The following FHAD1 variants were observed in gnomAD, a reference collection of about 807,000 sequenced individuals.
The protein encoded by FHAD1 is forkhead-associated domain-containing protein 1.
Under a neutral mutation model 191.3 loss-of-function variants are expected in FHAD1, and 146 were observed. The observed-to-expected ratio is 0.76, with a 90% confidence interval of 0.67 to 0.88. The LOEUF is 0.88. FHAD1 is among the 40% of genes least tolerant of loss of function. FHAD1 has a pLI of 0.00. For synonymous variants in FHAD1, 616 were observed against 672.3 expected, an observed-to-expected ratio of 0.92 and a Z score of 1.29; for missense variants, 1,635 against 1,785.8, an observed-to-expected ratio of 0.92 and a Z score of 1.52.
At chr1:15,245,460 T>C (rs1430050183), upstream of FHAD1, among the ~76,000 whole-genome samples, 1 of 152,236 alleles carries the variant, frequency 6.6e-6, no homozygotes, top group Non-Finnish European at 1.5e-5. Context: ...AAAGATGATA[T>C]GTGAGTAAAA....
intron 2 of FHAD1, among the ~76,000 whole-genome samples, chr1:15,263,699 T>C (rs1042079763): frequency 4.6e-5 from 7 of 152,040 alleles, no homozygotes; most frequent in Admixed American, 3.9e-4. Flanking sequence ...TTTTTTGTAT[T>C]TTTAGTAGAG....
At chr1:15,348,647 C>G (rs1689744361) in intron 18 of FHAD1, among the ~76,000 whole-genome samples, 1 of 152,158 alleles carries the variant, frequency 6.6e-6, no homozygotes, top group African/African-American at 2.4e-5. Flanking sequence ...ATTAATGAGA[C>G]TCTTCTTTTG....
At chr1:15,291,157 A>C (rs1664631380) in intron 4 of FHAD1, among the ~76,000 whole-genome samples, 1 of 145,880 alleles carries the variant, frequency 6.9e-6, no homozygotes, top group Non-Finnish European at 1.5e-5. Context: ...CTATTGCCCA[A>C]GCTGGAGTTC....
chr1:15,368,925 A>C (rs1158016613), intron 25 of FHAD1, among the ~76,000 whole-genome samples: 4 of 152,016 alleles, frequency 2.6e-5, no homozygotes, highest in African/African-American at 9.7e-5. Flanking sequence ...GTGGAAGAAC[A>C]AGAACAAAAC....
intron 20 of FHAD1, among the ~76,000 whole-genome samples, chr1:15,353,321 C>G (rs1188338531): frequency 1.3e-5 from 2 of 152,138 alleles, no homozygotes; most frequent in Non-Finnish European, 2.9e-5. Context: ...GGATCCGAAG[C>G]CTGGACTGTC....
At chr1:15,321,192 A>G (rs1343875674) in intron 10 of FHAD1, among the ~76,000 whole-genome samples, 1 of 152,200 alleles carries the variant, frequency 6.6e-6, no homozygotes, top group East Asian at 1.9e-4. Flanking sequence ...TTGGCCTCCC[A>G]AAGTGCTGGG....
intron 9 of FHAD1, among the ~76,000 whole-genome samples, 185 bp from the exon 10 acceptor site, chr1:15,317,639 A>C (rs1207695351): frequency 6.6e-6 from 1 of 152,220 alleles, no homozygotes; most frequent in African/African-American, 2.4e-5. Flanking sequence ...GTCGAAAAAT[A>C]AAGTCTATTT....
chr1:15,279,506 G>T (rs1659714068), intron 3 of FHAD1, among the ~76,000 whole-genome samples: 1 of 129,394 alleles, frequency 7.7e-6, no homozygotes, highest in East Asian at 2.4e-4. Flanking sequence ...TCTTCCTTCT[G>T]TCTTCTTCCT....
At chr1:15,374,351 T>C (rs1240766056) in intron 26 of FHAD1, 151 bp from the exon 27 acceptor site, 1 of 905,562 alleles carries the variant, frequency 1.1e-6, no homozygotes, top group South Asian at 2.0e-5. Flanking sequence ...ATGAAAAATG[T>C]AAATTCTATC....
intron 20 of FHAD1, among the ~76,000 whole-genome samples, chr1:15,355,474 A>T (rs545056724): frequency 1.3e-5 from 2 of 152,374 alleles, no homozygotes; most frequent in South Asian, 2.1e-4. Flanking sequence ...TTTCAAACGC[A>T]TGGGACCGGT....
At chr1:15,382,535 C>T (rs1194904889) in intron 31 of FHAD1, among the ~76,000 whole-genome samples, 1 of 152,108 alleles carries the variant, frequency 6.6e-6, no homozygotes, top group Non-Finnish European at 1.5e-5. Flanking sequence ...ATTCTGAGTG[C>T]CTGGCACGCG....
downstream of FHAD1, among the ~76,000 whole-genome samples, chr1:15,401,381 A>G (rs560975754): frequency 6.6e-6 from 1 of 152,322 alleles, no homozygotes; most frequent in South Asian, 2.1e-4. Flanking sequence ...AGAAGCTACC[A>G]GCAGTCTTTC....
chr1:15,273,474 G>A (rs1656992509), intron 3 of FHAD1, among the ~76,000 whole-genome samples: 2 of 109,410 alleles, frequency 1.8e-5, no homozygotes, highest in Admixed American at 2.0e-4. Context: ...ACACTACAGG[G>A]TTCCTCATGA....
intron 2 of FHAD1, among the ~76,000 whole-genome samples, chr1:15,266,541 C>T (rs1029348995): frequency 2.0e-5 from 3 of 152,000 alleles, no homozygotes; most frequent in East Asian, 1.9e-4. Context: ...TTAACATCTT[C>T]GTTACTATGA....
chr1:15,352,973 A>G lies in FHAD1; in HGVS notation c.2551A>G (p.Lys851Glu). The G allele has an allele frequency of 6.4e-7, 1 of 1,550,956 alleles. No individual in the cohort carries two copies. Among genetic ancestry groups the G allele is most frequent in the Non-Finnish European group, 8.7e-7 (1 of 1,146,608 alleles). Residue 851 changes from lysine (K) to glutamate (E), a missense_variant, in exon 20 of 34, where the codon AAG becomes GAG. Coordinates refer to ENST00000688493, the MANE Select transcript of FHAD1 (RefSeq NM_001391957.1). ...GCAAGACCTGGAGAATCGCTTAACC[A>G]AGCAGAAAGAGGTATGAGCCGCAGG... is the stretch of plus-strand genomic sequence containing the variant. ...KVQDLENRLT[K>E]QKEELELKEQ...
chr1:15,399,042 G>C (rs567147037), downstream of FHAD1, among the ~76,000 whole-genome samples: 8 of 152,228 alleles, frequency 5.3e-5, no homozygotes, highest in East Asian at 1.3e-3. Flanking sequence ...GACTGGTCTA[G>C]AACTCCTGAC....
Position 15,251,878 on chromosome 1 carries a change from G to C in FHAD1, c.93+1G>C, listed in dbSNP as rs780575679. 1 of 1,551,840 alleles carries C rather than the reference G, an allele frequency of 6.4e-7. No homozygotes were observed. The highest frequency in any genetic ancestry group is 8.7e-7 in the Non-Finnish European group (1 of 1,146,934). ...TGAAAATTCAGACCTTGTTTTACAG[G>C]TAAGAAGTCTTCCCACCTGTTCCCG... On this transcript the variant is annotated splice_donor_variant, in intron 2 of 33. Transcript: ENST00000688493. LOFTEE classifies it high-confidence loss of function.
chr1:15,369,964 A>G (rs904054640), intron 26 of FHAD1, among the ~76,000 whole-genome samples: 1 of 152,108 alleles, frequency 6.6e-6, no homozygotes, highest in African/African-American at 2.4e-5. Flanking sequence ...CCATACATAT[A>G]TTTATTTATT....
intron 6 of FHAD1, among the ~76,000 whole-genome samples, chr1:15,307,997 TG>T (rs1671051845): frequency 6.6e-6 from 1 of 152,248 alleles, no homozygotes; most frequent in African/African-American, 2.4e-5. Flanking sequence ...CCCAAAGTGC[TG>T]GGATTACAGG....
Sources: gnomAD v4.1 joint callset for allele counts (sites outside exome capture counted in the v4.1 genomes callset) on GRCh38, gnomAD v4.1.1 for gene constraint, MANE v1.5 for transcripts, NCBI Gene and HGNC (gene_info 2026-07-23, HGNC 2026-07-21) for gene names.